VPS26C: variants seen among roughly 807,000 people sequenced by gnomAD.
The protein encoded by VPS26C is VPS26 endosomal protein sorting factor C.
A neutral mutation model predicts 30.6 loss-of-function variants in VPS26C; 19 were observed. That is an observed-to-expected ratio of 0.62 (90% CI 0.43 to 0.91). VPS26C has a LOEUF of 0.91. Ranked by LOEUF, VPS26C falls within the 40% of genes least tolerant of loss-of-function variation. VPS26C has a pLI of 0.00. For synonymous variants in VPS26C, 132 were observed against 151.5 expected (o/e 0.87, Z 0.95); for missense variants, 318 against 385.1 (o/e 0.83, Z 1.46).
intron 1 of VPS26C, among the ~76,000 whole-genome samples, chr21:37,248,996 T>A (rs780835929): frequency 2.0e-5 from 3 of 152,134 alleles, no homozygotes; most frequent in Non-Finnish European, 2.9e-5. Context: ...AGAAAAATTA[T>A]ATATAGTCAT....
chr21:37,258,359 TC>T (rs2086267672), intron 1 of VPS26C, among the ~76,000 whole-genome samples: 1 of 68,460 alleles, frequency 1.5e-5, no homozygotes, highest in Non-Finnish European at 3.4e-5. Flanking sequence ...CCGCAACCCC[TC>T]TTTTCAGTGT....
At chr21:37,253,396 C>T (rs951754806) in intron 1 of VPS26C, among the ~76,000 whole-genome samples, 2 of 152,078 alleles carry the variant, frequency 1.3e-5, no homozygotes, top group Non-Finnish European at 1.5e-5. Flanking sequence ...GTTCCTTCTA[C>T]GTATGGTATA....
chr21:37,235,870 TATATATA>T (rs201519971), intron 3 of VPS26C, among the ~76,000 whole-genome samples: 40,373 of 126,620 alleles, frequency 0.32, 6,162 homozygotes, highest in East Asian at 0.42. Context: ...TATATATATA[TATATATA>T]TATTTTTTTT....
intron 1 of VPS26C, among the ~76,000 whole-genome samples, chr21:37,265,429 C>CGGTTAGGGTTAGGGTTAG (rs2086348500): frequency 6.6e-6 from 1 of 152,148 alleles, no homozygotes; most frequent in South Asian, 2.1e-4. Flanking sequence ...GCACAGTCTA[C>CGGTTAGGGTTAGGGTTAG]GGCTTGACAC....
At chr21:37,247,570 C>A (rs534501083) in intron 1 of VPS26C, among the ~76,000 whole-genome samples, 9 of 152,154 alleles carry the variant, frequency 5.9e-5, no homozygotes, top group African/African-American at 2.2e-4. Context: ...ACATTCCCCC[C>A]AACCAAGCAG....
intron 1 of VPS26C, among the ~76,000 whole-genome samples, chr21:37,255,851 ATTTTTT>A (rs375877407): frequency 2.8e-5 from 3 of 108,502 alleles, no homozygotes; most frequent in Admixed American, 2.1e-4. Context: ...TATGCACTGC[ATTTTTT>A]TTTTTTTTTT....
In VPS26C at chr21:37,257,113, CAG is replaced by C. The variant is rs1445646660; in HGVS notation, c.57+10123_57+10124del. On this transcript the variant is annotated intron_variant, in intron 1 of 7. Transcript: ENST00000309117. The surrounding 1 kb of genome is among the most constrained non-coding windows in gnomAD (Gnocchi z 4.2). ...TACCACTGCACTCCAGCCTGGGTGA[CAG>C]AGTGAGGCTCTGTCTCAAAAAAACA... 6.6e-6 allele frequency among the ~76,000 whole-genome samples: 1 copy of C among 152,036 alleles called. No individual in the cohort carries two copies. The highest frequency in any genetic ancestry group is 1.5e-5 in the Non-Finnish European group (1 of 68,022).
intron 1 of VPS26C, among the ~76,000 whole-genome samples, chr21:37,258,376 C>T (rs563515057): frequency 2.0e-5 from 3 of 152,202 alleles, no homozygotes; most frequent in Non-Finnish European, 4.4e-5. Flanking sequence ...AGTGTTAAAA[C>T]CTGGCGCCAA....
chr21:37,231,224 C>T (rs974327413), intron 5 of VPS26C, among the ~76,000 whole-genome samples: 4 of 152,210 alleles, frequency 2.6e-5, no homozygotes, highest in African/African-American at 7.2e-5. Flanking sequence ...GACACACACA[C>T]TCGACAAACA....
intron 1 of VPS26C, among the ~76,000 whole-genome samples, chr21:37,245,631 C>G (rs1260380901): frequency 6.6e-6 from 1 of 152,108 alleles, no homozygotes; most frequent in Non-Finnish European, 1.5e-5. Context: ...TGTCTCCTGC[C>G]CCTGAACATA....
chr21:37,225,787 A>G (rs939856645), intron 7 of VPS26C, 161 bp from the exon 8 acceptor site: 2 of 532,894 alleles, frequency 3.8e-6, no homozygotes, highest in South Asian at 1.9e-5. Context: ...CTTTCAGCCA[A>G]ACTTTCAGTG....
intron 1 of VPS26C, among the ~76,000 whole-genome samples, chr21:37,264,667 T>C (rs1373095619): frequency 1.3e-5 from 2 of 152,162 alleles, no homozygotes; most frequent in Non-Finnish European, 2.9e-5. Context: ...GAATACAAAG[T>C]AGTGGAAAAA....
intron 1 of VPS26C, among the ~76,000 whole-genome samples, chr21:37,245,140 A>G (rs971351639): frequency 1.3e-5 from 2 of 152,268 alleles, no homozygotes; most frequent in African/African-American, 4.8e-5. Context: ...AGCACATGAC[A>G]TCTAATGGAT....
intron 3 of VPS26C, 34 bp downstream of exon 3, chr21:37,238,426 T>C: frequency 6.3e-7 from 1 of 1,596,776 alleles, no homozygotes; most frequent in South Asian, 1.1e-5. Flanking sequence ...AGAAAACTTG[T>C]GAAGTCAGTC....
rs1007626227 is a variant in VPS26C, at chr21:37,227,600, G to A, written c.811+54C>T. ...TCTGTGACCCACAGCAGGCCCTGGC[G>A]CTGAGCGGCCCTTCCCATGGGCCCA... On this transcript the variant is annotated intron_variant, in intron 7 of 7. Coordinates refer to ENST00000309117, the MANE Select transcript of VPS26C (RefSeq NM_006052.2). 61 of 1,591,966 alleles carry A rather than the reference G, an allele frequency of 3.8e-5. No homozygotes were observed. In the Admixed American group the frequency reaches 4.4e-4, roughly 11 times the overall value.
At position 37,223,925 on chromosome 21, in the gene VPS26C, TTG is replaced by T. The variant is rs2085873473; in HGVS notation, c.*1617_*1618del. ...ATGGCTTATTTTGAGGTCCTATTAGTTGTGGGCCAACAAAACAGTGGCAGGAT... is the reference window on the plus strand; with the variant it reads ...ATGGCTTATTTTGAGGTCCTATTAGTTGGGCCAACAAAACAGTGGCAGGAT... On this transcript the variant is annotated 3_prime_UTR_variant, in exon 8 of 8. Transcript: ENST00000309117. The T allele has an allele frequency of 6.6e-6, 1 of 152,256 alleles. No homozygotes were observed. Among genetic ancestry groups the T allele is most frequent in the Non-Finnish European group, 1.5e-5 (1 of 68,070 alleles). The allele number at this position is 152,256 out of a possible 1,614,324, so 9.4% of individuals were successfully genotyped here.
At chr21:37,268,026 C>T (rs1389420038), upstream of VPS26C, 3 of 152,324 alleles carry the variant, frequency 2.0e-5, no homozygotes, top group East Asian at 3.9e-4. Flanking sequence ...CCAGCTGGGC[C>T]TAGGGCCAAG....
At chr21:37,227,911 C>A in intron 6 of VPS26C, 105 bp from the exon 7 acceptor site, 1 of 1,452,774 alleles carries the variant, frequency 6.9e-7, no homozygotes, top group Non-Finnish European at 9.3e-7. Context: ...CCTCCAGGGT[C>A]CCCTCCCCTC....
intron 1 of VPS26C, chr21:37,266,653 A>C (rs2086365299): frequency 6.5e-6 from 1 of 152,992 alleles, no homozygotes; most frequent in Non-Finnish European, 1.5e-5. Flanking sequence ...TCAAGATTTT[A>C]CTTTTTTATA....
Sources: gnomAD v4.1 joint callset for allele counts (sites outside exome capture counted in the v4.1 genomes callset) on GRCh38, gnomAD v4.1.1 for gene constraint, Gnocchi (gnomAD v3.1) non-coding constraint, MANE v1.5 for transcripts, NCBI Gene and HGNC (gene_info 2026-07-23, HGNC 2026-07-21) for gene names.